Variants in EIF3CL observed in about 807,000 individuals in gnomAD.
EIF3CL encodes the protein eukaryotic translation initiation factor 3 subunit C-like protein.
For synonymous variants in EIF3CL, 2 were observed against 19.6 expected (o/e 0.10, Z 2.37); for missense variants, 5 against 56.1 (o/e 0.09, Z 2.91).
At chr16:28,419,430 G>A in the EIF3CL span, among the ~76,000 whole-genome samples, 1 of 146,574 alleles carries the variant, frequency 6.8e-6, no homozygotes, top group East Asian at 2.0e-4. Context: ...GCCATAGATG[G>A]CTATTCCTAT....
At chr16:28,418,532 G>A in the EIF3CL span, among the ~76,000 whole-genome samples, 1 of 135,128 alleles carries the variant, frequency 7.4e-6, no homozygotes, top group Middle Eastern at 3.4e-3. Context: ...CACATGTGAG[G>A]CAGCAGCTGC....
intron 2 of EIF3CL, among the ~76,000 whole-genome samples, chr16:28,403,001 A>T (rs909625976): frequency 5.7e-5 from 6 of 105,576 alleles, no homozygotes; most frequent in Non-Finnish European, 1.3e-4. Context: ...AAGAAAAACC[A>T]TTCTATTGTT....
At position 28,386,839 on chromosome 16, in the gene EIF3CL, A is replaced by AT. The variant is rs1391482645; in HGVS notation, c.1821+1218dup. Among the ~76,000 whole-genome samples the AT allele has an allele frequency of 2.0e-4, 10 of 49,186 alleles. 1 individual carries two copies. The highest frequency in any genetic ancestry group is 3.4e-4 in the African/African-American group (4 of 11,904). 32.3% of individuals were successfully genotyped at this position (49,186 alleles called of 152,430 possible). A position where few individuals can be genotyped will look rare whatever the true frequency, so the allele number is the denominator to read the frequency against. ...AAGATACACACACAACCCCTAAAAGATACACACACACCCCCTAAAAGAGAC... is the reference window on the plus strand; with the variant it reads ...AAGATACACACACAACCCCTAAAAGATTACACACACACCCCCTAAAAGAGAC... On this transcript the variant is annotated intron_variant, in intron 15 of 20. Transcript: ENST00000380876.
the EIF3CL span, among the ~76,000 whole-genome samples, chr16:28,418,072 A>G: frequency 6.6e-6 from 1 of 150,846 alleles, no homozygotes; most frequent in Non-Finnish European, 1.5e-5. Flanking sequence ...AGTAGTGTGC[A>G]TGCTATAAAA....
chr16:28,421,922 A>C, the EIF3CL span, among the ~76,000 whole-genome samples: 1 of 82,706 alleles, frequency 1.2e-5, no homozygotes, highest in Non-Finnish European at 2.6e-5. Flanking sequence ...AATTTCACTG[A>C]AGTCCTAAAA....
the EIF3CL span, among the ~76,000 whole-genome samples, chr16:28,417,185 G>A: frequency 6.8e-6 from 1 of 146,492 alleles, no homozygotes; most frequent in Non-Finnish European, 1.5e-5. Flanking sequence ...CGTCCGGGAG[G>A]GAGGTGGGGG....
At chr16:28,416,766 G>GC in the EIF3CL span, among the ~76,000 whole-genome samples, 9 of 103,804 alleles carry the variant, frequency 8.7e-5, no homozygotes, top group East Asian at 1.3e-3. Flanking sequence ...GGGGGGGTCA[G>GC]CCCCCCCACC....
the EIF3CL span, among the ~76,000 whole-genome samples, chr16:28,416,810 C>T: frequency 2.5e-5 from 2 of 81,042 alleles, no homozygotes; most frequent in Middle Eastern, 7.1e-3. Flanking sequence ...GTGAGGGGCG[C>T]CTCTGCCCGG....
At chr16:28,414,773 G>A in the EIF3CL span, 41 of 435,484 alleles carry the variant, frequency 9.4e-5, 2 homozygotes, top group African/African-American at 5.9e-4. Context: ...CTTGGCCCTG[G>A]TGGCCTGGAA....
chr16:28,419,049 C>G, the EIF3CL span, among the ~76,000 whole-genome samples: 2 of 143,264 alleles, frequency 1.4e-5, no homozygotes, highest in East Asian at 3.9e-4. Context: ...CTCTGTTGCC[C>G]AGGCTGGAGT....
chr16:28,417,217 G>A, the EIF3CL span, among the ~76,000 whole-genome samples: 6 of 146,294 alleles, frequency 4.1e-5, no homozygotes, highest in South Asian at 4.2e-4. Context: ...CCTGCCCGGC[G>A]AGCCGCCCCA....
the EIF3CL span, among the ~76,000 whole-genome samples, chr16:28,416,009 G>C: frequency 2.8e-5 from 1 of 35,160 alleles, no homozygotes; most frequent in Non-Finnish European, 5.2e-5. Context: ...GGCACGCGCC[G>C]CCACGCCTGA....
rs371251799 is a variant in EIF3CL at position 28,403,251 on chromosome 16, C to G, written c.101+267G>C. On this transcript the variant is annotated intron_variant, in intron 2 of 20. Transcript: ENST00000380876. ...AGAGGAGACAGGTAGAGGCTGTAGA[C>G]TTAAGGCCAGTTAAGAAGCTGATGC... Among the ~76,000 whole-genome samples the G allele has an allele frequency of 9.0e-4, 62 of 68,794 alleles. 3 individuals are homozygous for G. The South Asian group carries it at 0.02, about 22-fold the overall frequency. The allele number at this position is 68,794 out of a possible 152,430, so 45.1% of individuals were successfully genotyped here. A position where few individuals can be genotyped will look rare whatever the true frequency, so the allele number is the denominator to read the frequency against.
At chr16:28,411,420 AT>A in the EIF3CL span, among the ~76,000 whole-genome samples, 157 of 45,308 alleles carry the variant, frequency 3.5e-3, 2 homozygotes, top group Admixed American at 4.7e-3. Flanking sequence ...TCTCCTGTAG[AT>A]TTTTTTTTTT....
chr16:28,419,506 T>C, the EIF3CL span, among the ~76,000 whole-genome samples: 10 of 135,630 alleles, frequency 7.4e-5, no homozygotes, highest in South Asian at 2.4e-4. Flanking sequence ...CCTCTGTGAG[T>C]TGGGGCTGAG....
At chr16:28,417,481 C>T in the EIF3CL span, among the ~76,000 whole-genome samples, 1 of 123,150 alleles carries the variant, frequency 8.1e-6, no homozygotes, top group Non-Finnish European at 1.8e-5. Flanking sequence ...AAGAAAAATT[C>T]CTCTGCCTTG....
chr16:28,385,357 C>T lies in EIF3CL; in HGVS notation c.1822-1876G>A, dbSNP rs1053996028. On this transcript the variant is annotated intron_variant, in intron 15 of 20. Transcript: ENST00000380876. ...CCGGGTATTTCTTTTCTTTTTGAGA[C>T]AGTCTTGCTCTGTTGCCCAGGCTAG... Among the ~76,000 whole-genome samples the T allele has an allele frequency of 4.3e-4, 55 of 127,524 alleles. 8 individuals carry two copies. The highest frequency in any genetic ancestry group is 1.4e-3 in the African/African-American group (53 of 37,508). 83.7% of individuals were successfully genotyped at this position (127,524 alleles called of 152,430 possible).
At chr16:28,386,807 CCCCT>C (rs2045606371) in intron 15 of EIF3CL, among the ~76,000 whole-genome samples, 1 of 70,170 alleles carries the variant, frequency 1.4e-5, no homozygotes, top group South Asian at 4.0e-4. Flanking sequence ...ACACACACAC[CCCCT>C]AAAAGATACA....
At chr16:28,392,686 CACAA>C (rs1383787357) in intron 8 of EIF3CL, among the ~76,000 whole-genome samples, 1 of 124,948 alleles carries the variant, frequency 8.0e-6, no homozygotes, top group Non-Finnish European at 1.7e-5. Flanking sequence ...CCAAAGAATC[CACAA>C]ACAACTTATT....
Sources: allele counts gnomAD v4.1 joint callset (sites outside exome capture counted in the v4.1 genomes callset), GRCh38; gene constraint gnomAD v4.1.1; transcripts MANE v1.5; gene names NCBI Gene and HGNC (gene_info 2026-07-23, HGNC 2026-07-21).